The following CNTN5 variants were observed in gnomAD, a reference collection of about 807,000 sequenced individuals.
The protein encoded by CNTN5 is contactin-5.
In CNTN5, 77 loss-of-function variants were observed where a neutral mutation model predicts 129.1. The observed-to-expected ratio is 0.60, with a 90% CI of 0.50 to 0.72. The LOEUF (loss-of-function observed/expected upper bound fraction) is 0.72, where lower values mean the gene tolerates loss of function less well. Among genes scored for constraint, CNTN5 ranks in the 30% least tolerant of loss-of-function variants. The pLI, the probability that CNTN5 is intolerant of heterozygous loss-of-function variation, is 0.00. For missense variants in CNTN5, 1,478 were observed against 1,328.8 expected, an observed-to-expected ratio of 1.11 and a Z score of -1.75; for synonymous variants, 509 against 465.6, an observed-to-expected ratio of 1.09 and a Z score of -1.20.
At chr11:99,729,319 G>A (rs979224871) in intron 3 of CNTN5, among the ~76,000 whole-genome samples, 4 of 151,906 alleles carry the variant, frequency 2.6e-5, no homozygotes, top group Non-Finnish European at 5.9e-5. Flanking sequence ...TTACCTTTAG[G>A]TTTGTGGGCA....
In CNTN5 at chr11:99,391,795, A is replaced by T. The variant is rs973218411; in HGVS notation, c.-71+66311A>T. On this transcript the variant is annotated intron_variant, in intron 2 of 24. Transcript: ENST00000524871. ...TCTGATCACATAAAAACATTTTTGTATAAATTTTTGTTTCCCTGGGATACC... is the reference window on the plus strand; with the variant it reads ...TCTGATCACATAAAAACATTTTTGTTTAAATTTTTGTTTCCCTGGGATACC... 2.6e-5 allele frequency among the ~76,000 whole-genome samples: 4 copies of T among 152,094 alleles called. No homozygotes were observed. In the South Asian group the frequency reaches 8.3e-4, roughly 32 times the overall value.
chr11:100,343,790 G>A (rs980325313), intron 23 of CNTN5, among the ~76,000 whole-genome samples: 2 of 152,018 alleles, frequency 1.3e-5, no homozygotes, highest in Non-Finnish European at 2.9e-5. Context: ...TACTCAGAAG[G>A]AGAATCCTTT....
chr11:99,997,144 CT>C (rs1240387536), intron 8 of CNTN5, among the ~76,000 whole-genome samples: 1 of 152,046 alleles, frequency 6.6e-6, no homozygotes, highest in East Asian at 1.9e-4. Flanking sequence ...CTTTATTAGT[CT>C]TGCTAGCGGT....
At position 99,802,988 on chromosome 11, in the gene CNTN5, C is replaced by T. The variant is rs548008515; in HGVS notation, c.56-16556C>T. Among the ~76,000 whole-genome samples the T allele has an allele frequency of 3.3e-5, 5 of 152,314 alleles. No homozygotes were observed. The South Asian group carries it at 1.0e-3, about 32-fold the overall frequency. ...TAGGCATGGAGTGGAGAGGGTCCTGCTGCACCACAGTCTGTGTTCAGGAAG... is the reference window on the plus strand; with the variant it reads ...TAGGCATGGAGTGGAGAGGGTCCTGTTGCACCACAGTCTGTGTTCAGGAAG... On this transcript the variant is annotated intron_variant, in intron 3 of 24. Transcript: ENST00000524871.
chr11:99,496,223 A>C (rs1946219491), intron 2 of CNTN5, among the ~76,000 whole-genome samples: 1 of 152,254 alleles, frequency 6.6e-6, no homozygotes, highest in South Asian at 2.1e-4. Context: ...CACTCTGTGA[A>C]GTTTAACGTT....
At chr11:99,102,804 C>G (rs1019370773) in intron 1 of CNTN5, among the ~76,000 whole-genome samples, 4 of 152,144 alleles carry the variant, frequency 2.6e-5, no homozygotes, top group African/African-American at 9.7e-5. Context: ...CTGCCTGTTA[C>G]CCAGTTCCAA....
chr11:99,408,203 T>TA (rs1437229263), intron 2 of CNTN5, among the ~76,000 whole-genome samples: 16 of 151,470 alleles, frequency 1.1e-4, no homozygotes, highest in African/African-American at 3.4e-4. Context: ...GCTTCTTTTT[T>TA]AAAAAGTATC....
chr11:99,543,918 CAAAAAAACA>C (rs762647068), intron 2 of CNTN5, among the ~76,000 whole-genome samples: 9,675 of 22,316 alleles, frequency 0.43, 377 homozygotes, highest in Non-Finnish European at 0.44. Context: ...GAGTCTGTCT[CAAAAAAACA>C]AAAAAAAAAA....
chr11:100,120,193 A>G lies in CNTN5; in HGVS notation c.1580+45899A>G, dbSNP rs367855224. Among the ~76,000 whole-genome samples the G allele has an allele frequency of 7.2e-5, 11 of 152,084 alleles. No individual in the cohort carries two copies. In the East Asian group the frequency reaches 1.7e-3, roughly 24 times the overall value. On this transcript the variant is annotated intron_variant, in intron 13 of 24. Coordinates refer to ENST00000524871, the MANE Select transcript of CNTN5 (RefSeq NM_014361.4). ...TTAAAATGGAAATACTTAAGCACGC[A>G]TCTTTGTTTTACTCATCCAGTTACT...
At chr11:99,139,011 C>T (rs577287958) in intron 1 of CNTN5, among the ~76,000 whole-genome samples, 9 of 152,024 alleles carry the variant, frequency 5.9e-5, no homozygotes, top group African/African-American at 2.2e-4. Context: ...TAGGCAAAAG[C>T]GGGTAGATTG....
chr11:99,335,090 CCTATAATAA>C (rs1274987703), intron 2 of CNTN5, among the ~76,000 whole-genome samples: 2 of 152,136 alleles, frequency 1.3e-5, no homozygotes, highest in Admixed American at 1.3e-4. Context: ...AATTGGAAAA[CCTATAATAA>C]CAGCAATAGC....
intron 6 of CNTN5, among the ~76,000 whole-genome samples, chr11:99,863,645 G>C (rs1948275248): frequency 6.6e-6 from 1 of 152,116 alleles, no homozygotes; most frequent in African/African-American, 2.4e-5. Flanking sequence ...CCTACCTTTA[G>C]AAATTAGGGA....
intron 1 of CNTN5, among the ~76,000 whole-genome samples, chr11:99,193,379 T>C (rs1010616354): frequency 6.6e-6 from 1 of 152,168 alleles, no homozygotes; most frequent in Non-Finnish European, 1.5e-5. Context: ...TTGTGCACTG[T>C]GTGCTGTCTA....
chr11:99,856,691 G>C (rs11221647), intron 6 of CNTN5, among the ~76,000 whole-genome samples: 4,150 of 152,170 alleles, frequency 0.027, 75 homozygotes, highest in South Asian at 0.045. Context: ...AAAAATATTA[G>C]CTCTTTGTCT....
intron 1 of CNTN5, among the ~76,000 whole-genome samples, chr11:99,208,712 G>T (rs976346241): frequency 6.6e-6 from 1 of 152,060 alleles, no homozygotes; most frequent in Non-Finnish European, 1.5e-5. Flanking sequence ...TGAGGGAAGT[G>T]GGATTCAAAC....
intron 3 of CNTN5, among the ~76,000 whole-genome samples, chr11:99,672,930 A>G (rs1158938387): frequency 6.6e-6 from 1 of 152,080 alleles, no homozygotes; most frequent in African/African-American, 2.4e-5. Flanking sequence ...AGTCTTTCAT[A>G]GGTACCTCAT....
chr11:99,108,333 A>T (rs1173619506), intron 1 of CNTN5, among the ~76,000 whole-genome samples: 1 of 152,170 alleles, frequency 6.6e-6, no homozygotes, highest in African/African-American at 2.4e-5. Flanking sequence ...TATGATGCCT[A>T]CACAACAATG....
intron 2 of CNTN5, among the ~76,000 whole-genome samples, chr11:99,442,746 T>TATGGTAAAAGAAAAAGGAAGCAGA: frequency 6.6e-6 from 1 of 152,312 alleles, no homozygotes; most frequent in Middle Eastern, 3.4e-3. Context: ...TTTAAACCTC[T>TATGGTAAAAGAAAAAGGAAGCAGA]ATGGTAAAAG....
At chr11:100,247,683 T>C (rs1412568584) in intron 16 of CNTN5, among the ~76,000 whole-genome samples, 1 of 152,202 alleles carries the variant, frequency 6.6e-6, no homozygotes, top group African/African-American at 2.4e-5. Flanking sequence ...AATAAGGGTA[T>C]ACCATAATTC....
Sources: allele counts gnomAD v4.1 joint callset (sites outside exome capture counted in the v4.1 genomes callset), GRCh38; gene constraint gnomAD v4.1.1; transcripts MANE v1.5; gene names NCBI Gene and HGNC (gene_info 2026-07-23, HGNC 2026-07-21).